Variants in EFNA1 observed in about 807,000 individuals in gnomAD.
EFNA1 encodes the protein ephrin A1.
Under a neutral mutation model 23.2 loss-of-function variants are expected in EFNA1, and 8 were observed. The observed-to-expected ratio is 0.34, with a 90% confidence interval of 0.20 to 0.62. The LOEUF (loss-of-function observed/expected upper bound fraction) is 0.62. EFNA1 is among the 20% of genes least tolerant of loss of function. The pLI, the probability that EFNA1 is intolerant of heterozygous loss-of-function variation, is 0.75. For synonymous variants in EFNA1, 89 were observed against 98.6 expected (o/e 0.90, Z 0.58); for missense variants, 217 against 260.0 (o/e 0.83, Z 1.14).
At chr1:155,131,064 AG>A in intron 1 of EFNA1, 5 of 1,257,756 alleles carry the variant, frequency 4.0e-6, no homozygotes, top group Non-Finnish European at 5.0e-6. Context: ...GGTAAGTATC[AG>A]GGGGGTTATG....
At chr1:155,129,339 C>G (rs567351267) in intron 1 of EFNA1, among the ~76,000 whole-genome samples, 1 of 152,064 alleles carries the variant, frequency 6.6e-6, no homozygotes, top group Non-Finnish European at 1.5e-5. Flanking sequence ...TGGCCTTTTC[C>G]GTTCCCAAGC....
At position 155,134,653 on chromosome 1, in the gene EFNA1, A is replaced by AG. The variant is rs200465926; in HGVS notation, c.*592dup. ...CAGCACTCCCCAGAGCTGTGCCAGC[A>AG]GGGGGGCTGTGCCAACCTGTTCTTA... On this transcript the variant is annotated 3_prime_UTR_variant, in exon 5 of 5. Coordinates refer to ENST00000368407, the MANE Select transcript of EFNA1 (RefSeq NM_004428.3). 322 of 173,784 alleles carry AG rather than the reference A, an allele frequency of 1.9e-3. 6 individuals carry two copies. In the East Asian group the frequency reaches 0.027, roughly 15 times the overall value. The allele number at this position is 173,784 out of a possible 1,614,324, so 10.8% of individuals were successfully genotyped here. A position where few individuals can be genotyped will look rare whatever the true frequency, so the allele number is the denominator to read the frequency against.
At chr1:155,128,549 G>A (rs1299573236) in intron 1 of EFNA1, among the ~76,000 whole-genome samples, 1 of 152,212 alleles carries the variant, frequency 6.6e-6, no homozygotes, top group East Asian at 1.9e-4. Flanking sequence ...TGGGCTGTAG[G>A]CATTCATTAT....
At chr1:155,133,267 G>A (rs560754158) in intron 2 of EFNA1, among the ~76,000 whole-genome samples, 7 of 152,238 alleles carry the variant, frequency 4.6e-5, no homozygotes, top group Admixed American at 4.6e-4. Flanking sequence ...GAGGAATGAA[G>A]GATGAAATGT....
rs1214621476 is a variant in EFNA1 at position 155,134,117 on chromosome 1, C to T, written c.*50C>T. On this transcript the variant is annotated 3_prime_UTR_variant, in exon 5 of 5. Coordinates refer to ENST00000368407, the MANE Select transcript of EFNA1 (RefSeq NM_004428.3). ...AAGAGGGACAGGCTGAAGAGAGGGA[C>T]AGGCACTCCAAACCTGTCTTGGGGC... 1 of 1,572,204 alleles carries T rather than the reference C, an allele frequency of 6.4e-7. No individual in the cohort carries two copies. The highest frequency in any genetic ancestry group is 2.3e-5 in the East Asian group (1 of 43,290).
intron 2 of EFNA1, among the ~76,000 whole-genome samples, chr1:155,132,693 G>A (rs895462394): frequency 1.3e-4 from 20 of 151,618 alleles, no homozygotes; most frequent in African/African-American, 4.6e-4. Flanking sequence ...AGCCGAGTGT[G>A]GTGGCGCACT....
chr1:155,130,504 GGA>G (rs1173858813), intron 1 of EFNA1: 4 of 983,672 alleles, frequency 4.1e-6, no homozygotes, highest in East Asian at 1.1e-4. Context: ...AGGAGAGAGG[GGA>G]GAGAGGGGAG....
chr1:155,132,184 A>G (rs1664251640), intron 2 of EFNA1, among the ~76,000 whole-genome samples: 1 of 152,144 alleles, frequency 6.6e-6, no homozygotes, highest in Non-Finnish European at 1.5e-5. Context: ...CTAAAAGGTG[A>G]TAAGGAGTTT....
At chr1:155,132,088 G>A (rs903790302) in intron 2 of EFNA1, among the ~76,000 whole-genome samples, 3 of 152,114 alleles carry the variant, frequency 2.0e-5, no homozygotes, top group African/African-American at 7.2e-5. Context: ...GGAACTTCCT[G>A]TGGCTCAGCC....
chr1:155,130,162 G>A (rs191419022), intron 1 of EFNA1, among the ~76,000 whole-genome samples: 57 of 152,326 alleles, frequency 3.7e-4, no homozygotes, highest in Non-Finnish European at 6.2e-4. Flanking sequence ...TGGGCAGTGG[G>A]TGCCCACCTC....
chr1:155,133,594 C>G, intron 3 of EFNA1, 26 bp downstream of exon 3: 1 of 1,613,428 alleles, frequency 6.2e-7, no homozygotes, highest in Non-Finnish European at 8.5e-7. Flanking sequence ...CTGTGGGCCT[C>G]CTTCCTCCAT....
intron 1 of EFNA1, chr1:155,130,383 A>C: frequency 1.1e-5 from 4 of 376,418 alleles, no homozygotes; most frequent in African/African-American, 2.4e-5. Flanking sequence ...GCTGGTGGGG[A>C]GGGGCTGGTG....
At position 155,134,117 on chromosome 1, in the gene EFNA1, C is replaced by A; in HGVS notation, c.*50C>A. The A allele has an allele frequency of 6.4e-7, 1 of 1,572,204 alleles. No individual in the cohort carries two copies. ...AAGAGGGACAGGCTGAAGAGAGGGACAGGCACTCCAAACCTGTCTTGGGGC... is the reference window on the plus strand; with the variant it reads ...AAGAGGGACAGGCTGAAGAGAGGGAAAGGCACTCCAAACCTGTCTTGGGGC... On this transcript the variant is annotated 3_prime_UTR_variant, in exon 5 of 5. Transcript: ENST00000368407.
At chr1:155,129,720 A>T (rs924409496) in intron 1 of EFNA1, 8 of 152,382 alleles carry the variant, frequency 5.2e-5, no homozygotes, top group Non-Finnish European at 8.8e-5. Flanking sequence ...TCCAGGCCTC[A>T]GGCGGGGGCA....
intron 2 of EFNA1, among the ~76,000 whole-genome samples, chr1:155,132,277 T>C (rs891961529): frequency 3.9e-5 from 6 of 152,094 alleles, no homozygotes; most frequent in African/African-American, 1.4e-4. Context: ...AGATGGAGTT[T>C]CACTCTTGTC....
chr1:155,131,689 G>C, intron 2 of EFNA1, 55 bp downstream of exon 2: 1 of 1,569,438 alleles, frequency 6.4e-7, no homozygotes, highest in South Asian at 1.2e-5. Context: ...TTACATACAT[G>C]CTTGGGTACA....
At chr1:155,131,717 A>G (rs1366953075) in intron 2 of EFNA1, 83 bp downstream of exon 2, 8 of 1,452,248 alleles carry the variant, frequency 5.5e-6, no homozygotes, top group Non-Finnish European at 7.5e-6. Flanking sequence ...TGTAGAGTCC[A>G]GCAGCAGAGG....
Position 155,131,341 on chromosome 1 carries a change from T to C in EFNA1, c.95T>C (p.Phe32Ser). Residue 32 changes from phenylalanine (F) to serine (S), a missense_variant and splice_region_variant, in exon 2 of 5, where the codon TTC becomes TCC. Physicochemically the swap from Phe to Ser is radical, Grantham distance 155. Coordinates refer to ENST00000368407, the MANE Select transcript of EFNA1 (RefSeq NM_004428.3). Reference protein sequence around the residue: ...TVFWNSSNPKFRNEDYTIHVQ... With the variant: ...TVFWNSSNPKSRNEDYTIHVQ... ...CTTCCCCCTGTGTGTGTCCCCAGGT[T>C]CCGGAATGAGGACTACACCATACAT... The C allele has an allele frequency of 6.2e-7, 1 of 1,600,104 alleles. No homozygotes were observed. Among genetic ancestry groups the C allele is most frequent in the Non-Finnish European group, 8.6e-7 (1 of 1,168,524 alleles).
At chr1:155,130,523 G>C in intron 1 of EFNA1, 1 of 985,008 alleles carries the variant, frequency 1.0e-6, no homozygotes, top group African/African-American at 1.7e-5. Flanking sequence ...GGAGAGGGGA[G>C]AGGCTGTCTC....
Sources: gnomAD v4.1 joint callset for allele counts (sites outside exome capture counted in the v4.1 genomes callset) on GRCh38, gnomAD v4.1.1 for gene constraint, MANE v1.5 for transcripts, NCBI Gene and HGNC (gene_info 2026-07-23, HGNC 2026-07-21) for gene names.